TGOLN2: variants seen among roughly 807,000 people sequenced by gnomAD.
TGOLN2 encodes trans-golgi network protein 2.
TGOLN2 carries 19 observed loss-of-function variants against 31.3 expected under a neutral mutation model. The ratio of observed to expected loss-of-function variants is 0.61; its 90% CI spans 0.42 to 0.89. TGOLN2 has a LOEUF of 0.89. Ranked by LOEUF, TGOLN2 falls within the 40% of genes least tolerant of loss-of-function variation. TGOLN2 has a pLI of 0.00. For missense variants in TGOLN2, 540 were observed against 559.2 expected, an observed-to-expected ratio of 0.97 and a Z score of 0.35; for synonymous variants, 222 against 226.7, an observed-to-expected ratio of 0.98 and a Z score of 0.19.
chr2:85,325,389 G>A (rs547813960), intron 2 of TGOLN2, among the ~76,000 whole-genome samples: 2 of 152,182 alleles, frequency 1.3e-5, no homozygotes, highest in East Asian at 1.9e-4. Context: ...TTCACCCCAC[G>A]ATGCTACATC....
At chr2:85,327,786 G>A (rs2104418943) in intron 1 of TGOLN2, 101 bp from the exon 2 acceptor site, 2 of 1,482,852 alleles carry the variant, frequency 1.3e-6, no homozygotes, top group Middle Eastern at 2.2e-4. Flanking sequence ...TGGGGATTGG[G>A]GGGTGGGGCG....
Position 85,318,685 on chromosome 2 carries a change from A to C in TGOLN2, c.*4051T>G, listed in dbSNP as rs2104402741. 3 of 152,374 alleles carry C rather than the reference A, an allele frequency of 2.0e-5. No homozygotes were observed. The highest frequency in any genetic ancestry group is 6.8e-3 in the Middle Eastern group (2 of 294). 9.4% of individuals were successfully genotyped at this position (152,374 alleles called of 1,614,324 possible). On this transcript the variant is annotated 3_prime_UTR_variant, in exon 4 of 4. Coordinates refer to ENST00000377386, the MANE Select transcript of TGOLN2 (RefSeq NM_006464.4). ...ACGGCCATAGAAGTCGCCAGCAGGG[A>C]AATTCCAGAGGTTTAGAATTCTATC...
chr2:85,326,309 C>A (rs776210428), intron 2 of TGOLN2, among the ~76,000 whole-genome samples, 199 bp downstream of exon 2: 1 of 152,178 alleles, frequency 6.6e-6, no homozygotes, highest in Non-Finnish European at 1.5e-5. Context: ...AGAGGACACT[C>A]AGAGTAAACA....
At chr2:85,322,783 T>C (rs1682593671) in intron 3 of TGOLN2, 42 bp from the exon 4 acceptor site, 4 of 1,606,140 alleles carry the variant, frequency 2.5e-6, no homozygotes, top group Admixed American at 1.8e-5. Flanking sequence ...AGGGAAAACA[T>C]TCAGAATTAA....
rs1682781734 is a variant in TGOLN2, at chr2:85,327,317, TGC to T, written c.413_414del (p.Gly138GlufsTer28). The T allele has an allele frequency of 6.2e-7, 1 of 1,611,038 alleles. No homozygotes were observed. Among genetic ancestry groups the T allele is most frequent in the East Asian group, 2.2e-5 (1 of 44,856 alleles). On this transcript the variant is annotated frameshift_variant, in exon 2 of 4. Transcript: ENST00000377386. LOFTEE classifies it high-confidence loss of function. ...GGGGTCTGCGCCTCCGCACCCGATT[TGC>T]CAGTGCTGTCTTTTGGAGTCTGCAG... is the stretch of plus-strand genomic sequence containing the variant. ...PELQTPKDST[G>X]KSGAEAQTPE...
rs1051039531 is a variant in TGOLN2, at chr2:85,322,271, T to C, written c.*465A>G. On this transcript the variant is annotated 3_prime_UTR_variant, in exon 4 of 4. Coordinates refer to ENST00000377386, the MANE Select transcript of TGOLN2 (RefSeq NM_006464.4). ...AGAAAAGCACTTCCACCTGCAGTTT[T>C]CCCCTAGGTCTGCAGAGAGAAACAG... The C allele has an allele frequency of 1.6e-5, 3 of 187,188 alleles. No individual in the cohort carries two copies. The highest frequency in any genetic ancestry group is 4.8e-5 in the African/African-American group (2 of 41,746). The allele number at this position is 187,188 out of a possible 1,614,324, so 11.6% of individuals were successfully genotyped here. A position where few individuals can be genotyped will look rare whatever the true frequency, so the allele number is the denominator to read the frequency against.
chr2:85,326,425 C>G, intron 2 of TGOLN2, 83 bp downstream of exon 2: 1 of 1,386,046 alleles, frequency 7.2e-7, no homozygotes, highest in Non-Finnish European at 1.0e-6. Context: ...TCACGGGCAT[C>G]TAGTGACGGG....
rs1227354760 is a variant in TGOLN2 at position 85,322,568 on chromosome 2, G to A, written c.*168C>T. ...AGCCCAGACCCGCCACTAAATTCTA[G>A]AGGAGGGTGTCTCTCAGGTCACAGT... On this transcript the variant is annotated 3_prime_UTR_variant, in exon 4 of 4. Transcript: ENST00000377386. The A allele has an allele frequency of 6.9e-6, 10 of 1,442,780 alleles. No individual in the cohort carries two copies. Among genetic ancestry groups the A allele is most frequent in the Non-Finnish European group, 8.3e-6 (9 of 1,084,202 alleles). The allele number at this position is 1,442,780 out of a possible 1,614,324, so 89.4% of individuals were successfully genotyped here. A position where few individuals can be genotyped will look rare whatever the true frequency, so the allele number is the denominator to read the frequency against.
At chr2:85,323,438 C>T (rs1463916881) in intron 3 of TGOLN2, among the ~76,000 whole-genome samples, 2 of 152,058 alleles carry the variant, frequency 1.3e-5, no homozygotes, top group African/African-American at 2.4e-5. Flanking sequence ...TGGTGGTGGG[C>T]GCCTGTAATC....
In TGOLN2 at chr2:85,322,554, G is replaced by A. The variant is rs997697666; in HGVS notation, c.*182C>T. 6.0e-5 allele frequency: 81 copies of A among 1,345,878 alleles called. No homozygotes were observed. The highest frequency in any genetic ancestry group is 2.5e-4 in the Admixed American group (9 of 35,654). 83.4% of individuals were successfully genotyped at this position (1,345,878 alleles called of 1,614,324 possible). A position where few individuals can be genotyped will look rare whatever the true frequency, so the allele number is the denominator to read the frequency against. On this transcript the variant is annotated 3_prime_UTR_variant, in exon 4 of 4. Coordinates refer to ENST00000377386, the MANE Select transcript of TGOLN2 (RefSeq NM_006464.4). ...CCCCTACCTCTGCCAGCCCAGACCC[G>A]CCACTAAATTCTAGAGGAGGGTGTC...
In TGOLN2 at chr2:85,318,380, C is replaced by A. The variant is rs1344391320; in HGVS notation, c.*4356G>T. 3 of 152,182 alleles carry A rather than the reference C, an allele frequency of 2.0e-5. No individual in the cohort carries two copies. The highest frequency in any genetic ancestry group is 4.4e-5 in the Non-Finnish European group (3 of 68,040). 9.4% of individuals were successfully genotyped at this position (152,182 alleles called of 1,614,324 possible). A position where few individuals can be genotyped will look rare whatever the true frequency, so the allele number is the denominator to read the frequency against. ...TTTGACATACTATACAGCTCAGACC[C>A]AAACCCTTCACAGAGAGACTCTAAG... On this transcript the variant is annotated 3_prime_UTR_variant, in exon 4 of 4. Coordinates refer to ENST00000377386, the MANE Select transcript of TGOLN2 (RefSeq NM_006464.4).
chr2:85,324,197 C>A (rs1401808200), intron 3 of TGOLN2, among the ~76,000 whole-genome samples: 1 of 151,976 alleles, frequency 6.6e-6, no homozygotes, highest in Non-Finnish European at 1.5e-5. Context: ...TCGAGGCGGG[C>A]GGATCACCTG....
At chr2:85,323,260 A>G (rs1043885559) in intron 3 of TGOLN2, among the ~76,000 whole-genome samples, 1 of 151,296 alleles carries the variant, frequency 6.6e-6, no homozygotes, top group Non-Finnish European at 1.5e-5. Flanking sequence ...GCCCAGCCAC[A>G]TGTGTATTTT....
In TGOLN2 at chr2:85,327,383, G is replaced by A. The variant is rs774886918; in HGVS notation, c.349C>T (p.Gln117Ter). 1 of 1,611,258 alleles carries A rather than the reference G, an allele frequency of 6.2e-7. No homozygotes were observed. The highest frequency in any genetic ancestry group is 8.5e-7 in the Non-Finnish European group (1 of 1,179,450). ...GSTSKSGSEA[Q>*]TTKDSTSKSH... ...TTACTAGTGCTGTCTTTTGTGGTCT[G>A]CGCCTCCGAACCCGACTTGCTAGTG... The change falls in exon 2 of 4, where the codon CAG becomes TAG. Residue 117 changes from glutamine to a stop codon, truncating the protein, a stop_gained. Coordinates refer to ENST00000377386, the MANE Select transcript of TGOLN2 (RefSeq NM_006464.4). LOFTEE classifies it high-confidence loss of function.
chr2:85,327,899 CG>C lies in TGOLN2; in HGVS notation c.46+17del. On this transcript the variant is annotated intron_variant, in intron 1 of 3. Coordinates refer to ENST00000377386, the MANE Select transcript of TGOLN2 (RefSeq NM_006464.4). ...GGGATCTGGGGGCAAGAGTGGGATG[CG>C]GGATGGAGGGTCTTACCCGCCGCTG... is the stretch of plus-strand genomic sequence containing the variant. 1 of 1,593,736 alleles carries C rather than the reference CG, an allele frequency of 6.3e-7. No homozygotes were observed. Among genetic ancestry groups the C allele is most frequent in the African/African-American group, 1.3e-5 (1 of 74,658 alleles).
In TGOLN2 at chr2:85,321,346, G is replaced by A. The variant is rs1682540882; in HGVS notation, c.*1390C>T. 1 of 152,654 alleles carries A rather than the reference G, an allele frequency of 6.6e-6. No homozygotes were observed. The highest frequency in any genetic ancestry group is 1.5e-5 in the Non-Finnish European group (1 of 68,046). 9.5% of individuals were successfully genotyped at this position (152,654 alleles called of 1,614,324 possible). A position where few individuals can be genotyped will look rare whatever the true frequency, so the allele number is the denominator to read the frequency against. On this transcript the variant is annotated 3_prime_UTR_variant, in exon 4 of 4. Transcript: ENST00000377386. ...AACTCAAAGCTATGGGCTGTTTTAAGCAAGGTGGAAGATAATATAAGAAGC... is the reference window on the plus strand; with the variant it reads ...AACTCAAAGCTATGGGCTGTTTTAAACAAGGTGGAAGATAATATAAGAAGC...
Position 85,327,650 on chromosome 2 carries a change from G to A in TGOLN2, c.82C>T (p.Gln28Ter), listed in dbSNP as rs369110541. Reference sequence around the variant, plus strand: ...GAAGGCCGTACTCCAGCTTCTTCTTGCTTGACGCTTTCGGTGGCCAAGAGC... The same window carrying A: ...GAAGGCCGTACTCCAGCTTCTTCTTACTTGACGCTTTCGGTGGCCAAGAGC... ...VPLLATESVKQEEAGVRPSAG... is the reference protein window; with the variant it reads ...VPLLATESVK The change falls in exon 2 of 4, where the codon CAA (glutamine) becomes TAA (stop). Residue 28 changes from glutamine to a stop codon, truncating the protein, a stop_gained. Coordinates refer to ENST00000377386, the MANE Select transcript of TGOLN2 (RefSeq NM_006464.4). LOFTEE classifies it high-confidence loss of function. 1.1e-4 allele frequency: 175 copies of A among 1,612,940 alleles called. No individual in the cohort carries two copies. Among genetic ancestry groups the A allele is most frequent in the Non-Finnish European group, 1.4e-4 (163 of 1,179,214 alleles).
rs1558675338 is a variant in TGOLN2, at chr2:85,327,704, T to C, written c.47-19A>G. 9 of 1,602,400 alleles carry C rather than the reference T, an allele frequency of 5.6e-6. No individual in the cohort carries two copies. The highest frequency in any genetic ancestry group is 7.7e-6 in the Non-Finnish European group (9 of 1,173,926). On this transcript the variant is annotated intron_variant, in intron 1 of 3. Transcript: ENST00000377386. ...ACGGCTCCTGAAATAGAAAAACGAGTTAGCACCGGAGAAGGGCAGGCGGGA... is the reference window on the plus strand; with the variant it reads ...ACGGCTCCTGAAATAGAAAAACGAGCTAGCACCGGAGAAGGGCAGGCGGGA...
rs1181701901 is a variant in TGOLN2, at chr2:85,323,019, C to T, written c.1309-278G>A. 2.6e-5 allele frequency among the ~76,000 whole-genome samples: 4 copies of T among 152,192 alleles called. No homozygotes were observed. The East Asian group carries it at 5.8e-4, about 22-fold the overall frequency. On this transcript the variant is annotated intron_variant, in intron 3 of 3. Transcript: ENST00000377386. ...TTGAGACGGAGTCTTGCTCTGTTGC[C>T]CAGGCTGGAGTGCAGTGGCATGATC...
Sources: allele counts gnomAD v4.1 joint callset (sites outside exome capture counted in the v4.1 genomes callset), GRCh38; gene constraint gnomAD v4.1.1; transcripts MANE v1.5; gene names NCBI Gene and HGNC (gene_info 2026-07-23, HGNC 2026-07-21).